Variants in PCDHGC3 observed in about 807,000 individuals in gnomAD.
PCDHGC3 encodes the protein protocadherin gamma-C3.
Under a neutral mutation model 59.2 loss-of-function variants are expected in PCDHGC3, and 26 were observed. The observed-to-expected ratio is 0.44, with a 90% CI of 0.32 to 0.61. The LOEUF is 0.61. PCDHGC3 is among the 20% of genes least tolerant of loss of function. The pLI is 0.05. For synonymous variants in PCDHGC3, 487 were observed against 519.7 expected (o/e 0.94, Z 0.86); for missense variants, 1,080 against 1,221.8 (o/e 0.88, Z 1.73).
At chr5:141,479,486 A>T (rs72790065) in intron 1 of PCDHGC3, 21,264 of 152,292 alleles carry the variant, frequency 0.14, 1,529 homozygotes, top group Admixed American at 0.16. Context: ...GGGCAGGACC[A>T]TCAGGTTGCC....
Position 141,487,003 on chromosome 5 carries a change from C to T in PCDHGC3, c.2431-7804C>T. The stretch of plus-strand genomic sequence containing the variant: ...ACAATGCTTGGGTTTCCTATCAGCT[C>T]CTGGAGGCCCCAGATCCCAGCCTGT... On this transcript the variant is annotated intron_variant, in intron 1 of 3. Transcript: ENST00000308177. The surrounding 1 kb of genome is among the most constrained non-coding windows in gnomAD (Gnocchi z 5.0). 1 of 1,614,228 alleles carries T rather than the reference C, an allele frequency of 6.2e-7. No homozygotes were observed.
At position 141,486,714 on chromosome 5, in the gene PCDHGC3, CAG is replaced by C; in HGVS notation, c.2431-8092_2431-8091del. ...TCTTTCATCTCTCTGAACCCCCAGA[CAG>C]GAGCTGTTCATGCTACTCGATCCTT... On this transcript the variant is annotated intron_variant, in intron 1 of 3. Coordinates refer to ENST00000308177, the MANE Select transcript of PCDHGC3 (RefSeq NM_002588.4). This position sits in a 1 kb window ranked among gnomAD's most constrained non-coding sequence, Gnocchi z 5.0. 1 of 1,614,216 alleles carries C rather than the reference CAG, an allele frequency of 6.2e-7. No homozygotes were observed. Among genetic ancestry groups the C allele is most frequent in the Non-Finnish European group, 8.5e-7 (1 of 1,180,034 alleles).
chr5:141,477,393 G>C lies in PCDHGC3; in HGVS notation c.1277G>C (p.Ser426Thr). ...GAGACTGTGCCAGAATACAACCTCA[G>C]CATCACCGCCCGAGACGCCGGAACC... ...DRETVPEYNL[S>T]ITARDAGTPS... Residue 426 changes from serine (S) to threonine (T), a missense_variant, in exon 1 of 4, where the codon AGC (serine) becomes ACC (threonine). Physicochemically the swap from Ser to Thr is moderately conservative, Grantham distance 58. Coordinates refer to ENST00000308177, the MANE Select transcript of PCDHGC3 (RefSeq NM_002588.4). The surrounding 1 kb of genome is among the most constrained non-coding windows in gnomAD (Gnocchi z 4.9). The C allele has an allele frequency of 6.2e-7, 1 of 1,614,098 alleles. No individual in the cohort carries two copies. The highest frequency in any genetic ancestry group is 8.5e-7 in the Non-Finnish European group (1 of 1,180,028).
Position 141,490,799 on chromosome 5 carries a change from G to A in PCDHGC3, c.2431-4008G>A, listed in dbSNP as rs757092044. On this transcript the variant is annotated intron_variant, in intron 1 of 3. Coordinates refer to ENST00000308177, the MANE Select transcript of PCDHGC3 (RefSeq NM_002588.4). The surrounding 1 kb of genome is among the most constrained non-coding windows in gnomAD (Gnocchi z 5.4). ...GAGGATGGACGGATCTTTGCCCAGC[G>A]TACCTTTGACTATGAATTGCTGCAG... is the stretch of plus-strand genomic sequence containing the variant. 2.7e-5 allele frequency: 43 copies of A among 1,613,888 alleles called. No individual in the cohort carries two copies. Among genetic ancestry groups the A allele is most frequent in the Middle Eastern group, 3.3e-4 (2 of 6,062 alleles).
At position 141,476,396 on chromosome 5, in the gene PCDHGC3, C is replaced by A; in HGVS notation, c.280C>A (p.Arg94=). The A allele has an allele frequency of 6.2e-7, 1 of 1,614,032 alleles. No homozygotes were observed. Among genetic ancestry groups the A allele is most frequent in the Non-Finnish European group, 8.5e-7 (1 of 1,180,020 alleles). ...GEMFVNDRLD[R]EELCGTLPSC... Reference sequence around the variant, plus strand: ...GATGTTTGTGAACGACCGTCTGGATCGAGAGGAGCTGTGTGGGACACTGCC... The same window carrying A: ...GATGTTTGTGAACGACCGTCTGGATAGAGAGGAGCTGTGTGGGACACTGCC... Residue 94 remains arginine, a synonymous_variant, in exon 1 of 4, where the codon CGA becomes AGA. Transcript: ENST00000308177. The surrounding 1 kb of genome is among the most constrained non-coding windows in gnomAD (Gnocchi z 7.6).
chr5:141,478,977 T>G (rs1004184325), intron 1 of PCDHGC3, among the ~76,000 whole-genome samples: 12 of 152,210 alleles, frequency 7.9e-5, no homozygotes, highest in Admixed American at 5.2e-4. Flanking sequence ...TTCAAGTGAT[T>G]GTGACATTTG....
chr5:141,505,443 C>A lies in PCDHGC3; in HGVS notation c.2540C>A (p.Thr847Lys). ...TGTWPNNQFD[T>K]EMLQAMILAS... ...ACCTGGCCCAACAACCAGTTTGACA[C>A]AGAGATGCTGCAAGCCATGATCTTG... Residue 847 changes from threonine to lysine, a missense_variant, in exon 3 of 4, where the codon ACA becomes AAA. Physicochemically the swap from Thr to Lys is moderately conservative, Grantham distance 78. Transcript: ENST00000308177. 2 of 1,614,224 alleles carry A rather than the reference C, an allele frequency of 1.2e-6. No homozygotes were observed. Among genetic ancestry groups the A allele is most frequent in the Non-Finnish European group, 8.5e-7 (1 of 1,180,042 alleles).
At position 141,477,118 on chromosome 5, in the gene PCDHGC3, A is replaced by T. The variant is rs2099405787; in HGVS notation, c.1002A>T (p.Ala334=). The T allele has an allele frequency of 6.2e-7, 1 of 1,614,228 alleles. No homozygotes were observed. Among genetic ancestry groups the T allele is most frequent in the Non-Finnish European group, 8.5e-7 (1 of 1,180,034 alleles). The change falls in exon 1 of 4, where the codon GCA becomes GCT. Residue 334 remains alanine, a synonymous_variant. Coordinates refer to ENST00000308177, the MANE Select transcript of PCDHGC3 (RefSeq NM_002588.4). This position sits in a 1 kb window ranked among gnomAD's most constrained non-coding sequence, Gnocchi z 4.9. ...ACAAGGGCGCCAATCCCGAAGGAGC[A>T]CATTGCAAAGTGTTGGTGGAGGTTG... ...AKDKGANPEG[A]HCKVLVEVVD... is the part of the protein sequence containing the mutation.
In PCDHGC3 at chr5:141,485,610, C is replaced by A; in HGVS notation, c.2430+7064C>A. ...CTGGACTTGGAAATTGGGGAGGCAGCTCCTCCAGGACAGCGTTTCCCGTTG... is the reference window on the plus strand; with the variant it reads ...CTGGACTTGGAAATTGGGGAGGCAGATCCTCCAGGACAGCGTTTCCCGTTG... On this transcript the variant is annotated intron_variant, in intron 1 of 3. Coordinates refer to ENST00000308177, the MANE Select transcript of PCDHGC3 (RefSeq NM_002588.4). This position sits in a 1 kb window ranked among gnomAD's most constrained non-coding sequence, Gnocchi z 5.7. The A allele has an allele frequency of 1.2e-6, 2 of 1,612,076 alleles. No individual in the cohort carries two copies. The highest frequency in any genetic ancestry group is 1.7e-6 in the Non-Finnish European group (2 of 1,178,616).
chr5:141,489,837 G>A lies in PCDHGC3; in HGVS notation c.2431-4970G>A. 6.2e-7 allele frequency: 1 copy of A among 1,614,204 alleles called. No individual in the cohort carries two copies. ...TCCCAGAGCTGGTGCTAGAGCAGCAGCTGGATCGTGAAGCCCAGGCAAGAC... is the reference window on the plus strand; with the variant it reads ...TCCCAGAGCTGGTGCTAGAGCAGCAACTGGATCGTGAAGCCCAGGCAAGAC... On this transcript the variant is annotated intron_variant, in intron 1 of 3. Transcript: ENST00000308177. This position sits in a 1 kb window ranked among gnomAD's most constrained non-coding sequence, Gnocchi z 4.5.
Position 141,485,399 on chromosome 5 carries a change from C to T in PCDHGC3, c.2430+6853C>T. On this transcript the variant is annotated intron_variant, in intron 1 of 3. Coordinates refer to ENST00000308177, the MANE Select transcript of PCDHGC3 (RefSeq NM_002588.4). This position sits in a 1 kb window ranked among gnomAD's most constrained non-coding sequence, Gnocchi z 5.7. ...TGGAGAGGTGAACCAAAGACACTTC[C>T]GTGTGGATTTGGACAGCGGAGCCCT... 3 of 1,614,000 alleles carry T rather than the reference C, an allele frequency of 1.9e-6. No homozygotes were observed. The highest frequency in any genetic ancestry group is 2.5e-6 in the Non-Finnish European group (3 of 1,179,922).
intron 1 of PCDHGC3, 67 bp downstream of exon 1, chr5:141,478,613 G>T: frequency 6.4e-7 from 1 of 1,557,312 alleles, no homozygotes; most frequent in African/African-American, 1.4e-5. Flanking sequence ...ATTGAGGAAG[G>T]AATGGAGCTG....
In PCDHGC3 at chr5:141,478,111, A is replaced by G. The variant is rs2099430294; in HGVS notation, c.1995A>G (p.Ser665=). The G allele has an allele frequency of 1.2e-6, 2 of 1,613,982 alleles. No homozygotes were observed. The highest frequency in any genetic ancestry group is 1.7e-5 in the Admixed American group (1 of 60,006). ...CCACCACTGCTACCCTCACTGTGTC[A>G]GTAACCGAGGACTCTCCTGAAGCCC... ...SLSTTATLTV[S]VTEDSPEARA... is the part of the protein sequence containing the mutation. Residue 665 remains serine (S), a synonymous_variant, in exon 1 of 4, where the codon TCA becomes TCG. Coordinates refer to ENST00000308177, the MANE Select transcript of PCDHGC3 (RefSeq NM_002588.4).
At position 141,490,027 on chromosome 5, in the gene PCDHGC3, C is replaced by T. The variant is rs767829552; in HGVS notation, c.2431-4780C>T. Reference sequence around the variant, plus strand: ...TGCACCCATTGGTACTCTGCTGCTCCGCCTCAATGCCACTGATCCAGACGA... The same window carrying T: ...TGCACCCATTGGTACTCTGCTGCTCTGCCTCAATGCCACTGATCCAGACGA... On this transcript the variant is annotated intron_variant, in intron 1 of 3. Coordinates refer to ENST00000308177, the MANE Select transcript of PCDHGC3 (RefSeq NM_002588.4). This position sits in a 1 kb window ranked among gnomAD's most constrained non-coding sequence, Gnocchi z 5.4. The T allele has an allele frequency of 2.4e-5, 39 of 1,614,096 alleles. No homozygotes were observed. The highest frequency in any genetic ancestry group is 4.0e-5 in the African/African-American group (3 of 74,942).
In PCDHGC3 at chr5:141,476,584, C is replaced by A; in HGVS notation, c.468C>A (p.Leu156=). The part of the protein sequence containing the change: ...EAVAPGTRFP[L]ESAHDPDVGS... ...TGGCTCCGGGGACGCGCTTTCCGCTCGAGAGCGCGCACGATCCCGATGTGG... is the reference window on the plus strand; with the variant it reads ...TGGCTCCGGGGACGCGCTTTCCGCTAGAGAGCGCGCACGATCCCGATGTGG... Residue 156 remains leucine (L), a synonymous_variant, in exon 1 of 4, where the codon CTC becomes CTA. Coordinates refer to ENST00000308177, the MANE Select transcript of PCDHGC3 (RefSeq NM_002588.4). This position sits in a 1 kb window ranked among gnomAD's most constrained non-coding sequence, Gnocchi z 7.6. The A allele has an allele frequency of 6.2e-7, 1 of 1,614,216 alleles. No homozygotes were observed. The highest frequency in any genetic ancestry group is 8.5e-7 in the Non-Finnish European group (1 of 1,180,042).
At chr5:141,494,638 A>G (rs2099755799) in intron 1 of PCDHGC3, 169 bp from the exon 2 acceptor site, 1 of 896,388 alleles carries the variant, frequency 1.1e-6, no homozygotes, top group African/African-American at 1.8e-5. Context: ...GACCTCTGAG[A>G]CCTGAGGTGT....
chr5:141,510,893 G>C (rs1334514746), intron 3 of PCDHGC3, 54 bp from the exon 4 acceptor site: 1 of 1,612,722 alleles, frequency 6.2e-7, no homozygotes, highest in African/African-American at 1.3e-5. Context: ...ATAAGACAGT[G>C]ACTGTTGAGG....
At chr5:141,510,580 G>A (rs947369646) in intron 3 of PCDHGC3, among the ~76,000 whole-genome samples, 7 of 152,248 alleles carry the variant, frequency 4.6e-5, no homozygotes, top group South Asian at 2.1e-4. Flanking sequence ...ACTATTTTAC[G>A]TACCTGACAT....
chr5:141,477,221 A>G lies in PCDHGC3; in HGVS notation c.1105A>G (p.Thr369Ala), dbSNP rs771608717. 1 of 1,614,178 alleles carries G rather than the reference A, an allele frequency of 6.2e-7. No homozygotes were observed. The highest frequency in any genetic ancestry group is 8.5e-7 in the Non-Finnish European group (1 of 1,180,044). ...SPVPEDAPLG[T>A]VIALLSVTDL... ...AGTACCCGAGGATGCCCCTCTGGGG[A>G]CTGTCATCGCTTTGCTCAGTGTGAC... The change falls in exon 1 of 4, where the codon ACT (threonine) becomes GCT (alanine). Residue 369 changes from threonine (T) to alanine (A), a missense_variant. Coordinates refer to ENST00000308177, the MANE Select transcript of PCDHGC3 (RefSeq NM_002588.4). This position sits in a 1 kb window ranked among gnomAD's most constrained non-coding sequence, Gnocchi z 4.9.
Sources: allele counts gnomAD v4.1 joint callset (sites outside exome capture counted in the v4.1 genomes callset), GRCh38; gene constraint gnomAD v4.1.1; non-coding constraint Gnocchi (gnomAD v3.1); transcripts MANE v1.5; gene names NCBI Gene and HGNC (gene_info 2026-07-23, HGNC 2026-07-21).